Variants in MELK observed in about 807,000 individuals in gnomAD.
MELK encodes the protein pEg3 kinase.
MELK carries 81 observed loss-of-function variants against 85.0 expected under a neutral mutation model. The observed-to-expected ratio is 0.95, with a 90% confidence interval of 0.80 to 1.15. The LOEUF (loss-of-function observed/expected upper bound fraction) is 1.15, where lower values mean the gene tolerates loss of function less well. Among genes scored for constraint, MELK ranks in the 50% most tolerant of loss-of-function variants. MELK has a pLI of 0.00. For missense variants in MELK, 754 were observed against 777.5 expected, an observed-to-expected ratio of 0.97 and a Z score of 0.36; for synonymous variants, 252 against 265.0, an observed-to-expected ratio of 0.95 and a Z score of 0.48.
At chr9:36,663,625 G>A (rs2137762756) in intron 13 of MELK, among the ~76,000 whole-genome samples, 1 of 152,238 alleles carries the variant, frequency 6.6e-6, no homozygotes, top group African/African-American at 2.4e-5. Context: ...GTGAGAACAT[G>A]CAATATTTGT....
intron 11 of MELK, among the ~76,000 whole-genome samples, chr9:36,649,322 T>C (rs1027916762): frequency 2.0e-5 from 3 of 151,844 alleles, no homozygotes; most frequent in Non-Finnish European, 2.9e-5. Context: ...CTGTCTCTAC[T>C]AAAAATACAA....
At chr9:36,675,760 G>A (rs1398408189) in intron 17 of MELK, among the ~76,000 whole-genome samples, 3 of 152,076 alleles carry the variant, frequency 2.0e-5, no homozygotes, top group Non-Finnish European at 2.9e-5. Context: ...CACCCAAGAT[G>A]GCCGTATTTC....
intron 4 of MELK, among the ~76,000 whole-genome samples, chr9:36,590,192 T>A (rs924699993): frequency 2.6e-5 from 4 of 152,136 alleles, no homozygotes; most frequent in Admixed American, 2.6e-4. Flanking sequence ...AGTGCTGGGA[T>A]TACAGACGTG....
rs1268565995 is a variant in MELK, at chr9:36,648,189, G to A, written c.922-3557G>A. On this transcript the variant is annotated intron_variant, in intron 11 of 17. Coordinates refer to ENST00000298048, the MANE Select transcript of MELK (RefSeq NM_014791.4). ...AACCTTAACAAAAAGGGATAAAAAG[G>A]CAAAATATTTACAAGCAGAATAAAA... 2.0e-5 allele frequency among the ~76,000 whole-genome samples: 3 copies of A among 152,152 alleles called. No individual in the cohort carries two copies. In the East Asian group the frequency reaches 5.8e-4, roughly 30 times the overall value.
intron 13 of MELK, among the ~76,000 whole-genome samples, chr9:36,661,259 A>G (rs1360648529): frequency 6.6e-6 from 1 of 152,198 alleles, no homozygotes; most frequent in Non-Finnish European, 1.5e-5. Context: ...GTTTCTACTT[A>G]GCTGTTTTCT....
chr9:36,670,100 A>G (rs73645816), intron 15 of MELK, among the ~76,000 whole-genome samples: 83 of 152,268 alleles, frequency 5.5e-4, no homozygotes, highest in African/African-American at 1.9e-3. Context: ...CTAACACCAC[A>G]GTAGTTTCTA....
chr9:36,598,129 G>T (rs1192572515), intron 6 of MELK, among the ~76,000 whole-genome samples: 1 of 151,442 alleles, frequency 6.6e-6, no homozygotes, highest in African/African-American at 2.4e-5. Flanking sequence ...CCTTCCCTTG[G>T]CTCTTTAGAA....
intron 4 of MELK, among the ~76,000 whole-genome samples, chr9:36,593,176 C>CTTTTT (rs368674596): frequency 3.0e-5 from 4 of 131,200 alleles, no homozygotes; most frequent in African/African-American, 1.1e-4. Flanking sequence ...AGAGCTTCCT[C>CTTTTT]TTTTTTTTTT....
intron 9 of MELK, among the ~76,000 whole-genome samples, chr9:36,632,034 G>A (rs2136531985): frequency 6.6e-6 from 1 of 152,288 alleles, no homozygotes; most frequent in East Asian, 1.9e-4. Flanking sequence ...ATGTACTATT[G>A]AATGGGCCCT....
At chr9:36,607,259 A>G (rs908790465) in intron 7 of MELK, among the ~76,000 whole-genome samples, 1 of 152,174 alleles carries the variant, frequency 6.6e-6, no homozygotes, top group African/African-American at 2.4e-5. Flanking sequence ...GAATTGTCTC[A>G]TCTTCTTATC....
At chr9:36,615,388 G>A (rs1259627085) in intron 8 of MELK, among the ~76,000 whole-genome samples, 23 of 136,014 alleles carry the variant, frequency 1.7e-4, no homozygotes, top group Admixed American at 7.7e-4. Flanking sequence ...CTGGCCGGGC[G>A]GGGGGCTGAC....
chr9:36,586,026 A>G (rs1439045171), intron 3 of MELK, among the ~76,000 whole-genome samples: 1 of 152,092 alleles, frequency 6.6e-6, no homozygotes, highest in Non-Finnish European at 1.5e-5. Flanking sequence ...TTAAAGATAT[A>G]AGTTCTGATT....
At chr9:36,580,132 C>T (rs750945164) in intron 1 of MELK, among the ~76,000 whole-genome samples, 1 of 150,004 alleles carries the variant, frequency 6.7e-6, no homozygotes, top group Non-Finnish European at 1.5e-5. Context: ...ACTGCAACCT[C>T]TGCCTCCTGC....
chr9:36,621,546 G>C (rs1316954923), intron 8 of MELK, among the ~76,000 whole-genome samples: 1 of 152,114 alleles, frequency 6.6e-6, no homozygotes, highest in Non-Finnish European at 1.5e-5. Flanking sequence ...CAGCTAGTAA[G>C]AGGTAGATCC....
At chr9:36,613,046 G>A (rs1473761971) in intron 8 of MELK, among the ~76,000 whole-genome samples, 1 of 152,042 alleles carries the variant, frequency 6.6e-6, no homozygotes, top group African/African-American at 2.4e-5. Context: ...CGTGTAATGT[G>A]GCCTCCCATC....
intron 10 of MELK, among the ~76,000 whole-genome samples, chr9:36,638,576 T>A (rs1325421994): frequency 6.6e-6 from 1 of 152,306 alleles, no homozygotes; most frequent in Middle Eastern, 3.4e-3. Context: ...TGAGCCACCA[T>A]GCCCAGCCTC....
At chr9:36,674,386 C>A (rs545678683) in intron 16 of MELK, among the ~76,000 whole-genome samples, 201 of 152,248 alleles carry the variant, frequency 1.3e-3, no homozygotes, top group South Asian at 2.3e-3. Context: ...CTATAATATT[C>A]TTTAAATAAT....
intron 1 of MELK, among the ~76,000 whole-genome samples, chr9:36,578,678 A>G (rs1012347681): frequency 9.9e-5 from 15 of 152,138 alleles, no homozygotes; most frequent in African/African-American, 2.2e-4. Context: ...TTCAGATTCT[A>G]TTGAAACCAT....
chr9:36,664,558 C>T (rs1832151429), intron 13 of MELK, among the ~76,000 whole-genome samples: 1 of 152,186 alleles, frequency 6.6e-6, no homozygotes. Flanking sequence ...TGAAGACTGG[C>T]CTGTGTTTAC....
Sources: gnomAD v4.1 joint callset for allele counts (sites outside exome capture counted in the v4.1 genomes callset) on GRCh38, gnomAD v4.1.1 for gene constraint, MANE v1.5 for transcripts, NCBI Gene and HGNC (gene_info 2026-07-23, HGNC 2026-07-21) for gene names.